The following LAMP3 variants were observed in gnomAD, a reference collection of about 807,000 sequenced individuals.
LAMP3 encodes the protein lysosome associated membrane protein 3, also known as lysosome-associated membrane glycoprotein 3.
A neutral mutation model predicts 34.8 loss-of-function variants in LAMP3; 26 were observed. The ratio of observed to expected loss-of-function variants is 0.75; its 90% CI spans 0.55 to 1.04. LAMP3 has a LOEUF of 1.04. LAMP3 is among the 50% of genes least tolerant of loss of function. The pLI is 0.00. For missense variants in LAMP3, 495 were observed against 524.0 expected, an observed-to-expected ratio of 0.94 and a Z score of 0.54; for synonymous variants, 180 against 201.9, an observed-to-expected ratio of 0.89 and a Z score of 0.92.
At chr3:183,145,971 G>A (rs184165208) in intron 3 of LAMP3, among the ~76,000 whole-genome samples, 67 of 152,326 alleles carry the variant, frequency 4.4e-4, no homozygotes, top group Non-Finnish European at 7.5e-4. Flanking sequence ...TAGGTGCTCA[G>A]TAAATTCTTA....
intron 3 of LAMP3, among the ~76,000 whole-genome samples, chr3:183,143,750 A>T (rs1720356718): frequency 6.6e-6 from 1 of 152,234 alleles, no homozygotes; most frequent in Non-Finnish European, 1.5e-5. Context: ...CTATGGAATG[A>T]GGCTTAGACA....
At chr3:183,128,022 C>A (rs910988918) in intron 5 of LAMP3, among the ~76,000 whole-genome samples, 5 of 151,938 alleles carry the variant, frequency 3.3e-5, no homozygotes, top group Non-Finnish European at 7.4e-5. Flanking sequence ...GTGGCAGGCG[C>A]CTGTAGTCCC....
At chr3:183,138,855 C>T (rs1422698980) in intron 4 of LAMP3, among the ~76,000 whole-genome samples, 7 of 152,148 alleles carry the variant, frequency 4.6e-5, no homozygotes, top group African/African-American at 1.7e-4. Flanking sequence ...TCCGGGCACA[C>T]TGGCACTCTG....
intron 2 of LAMP3, among the ~76,000 whole-genome samples, chr3:183,153,187 A>AAAG (rs1373136803): frequency 1.3e-5 from 2 of 151,712 alleles, no homozygotes; most frequent in Non-Finnish European, 2.9e-5. Flanking sequence ...AAAAAAAAAA[A>AAAG]AAAAAGAAAG....
At position 183,149,805 on chromosome 3, in the gene LAMP3, C is replaced by A. The variant is rs1266443340; in HGVS notation, c.888+2570G>T. Among the ~76,000 whole-genome samples the A allele has an allele frequency of 2.6e-5, 4 of 151,590 alleles. No homozygotes were observed. The East Asian group carries it at 7.7e-4, about 29-fold the overall frequency. On this transcript the variant is annotated intron_variant, in intron 3 of 5. Coordinates refer to ENST00000265598, the MANE Select transcript of LAMP3 (RefSeq NM_014398.4). ...TGATGTGATTATTACACATTGCATG[C>A]CTATATCAAAATATCTCATGTACCC... is the stretch of plus-strand genomic sequence containing the variant.
In LAMP3 at chr3:183,124,101, A is replaced by T; in HGVS notation, c.1231T>A (p.Ser411Thr). ...VYKIRLRCQS[S>T]GYQRI The stretch of plus-strand genomic sequence containing the variant: ...AACAATTAGATTCTCTGGTATCCAG[A>T]TGATTGACACCTTAGGCGGATTTTA... The change falls in exon 6 of 6, where the codon TCT becomes ACT. Residue 411 changes from serine to threonine, a missense_variant. Coordinates refer to ENST00000265598, the MANE Select transcript of LAMP3 (RefSeq NM_014398.4). 1 of 1,614,152 alleles carries T rather than the reference A, an allele frequency of 6.2e-7. No individual in the cohort carries two copies. The highest frequency in any genetic ancestry group is 8.5e-7 in the Non-Finnish European group (1 of 1,180,002).
intron 3 of LAMP3, among the ~76,000 whole-genome samples, chr3:183,151,126 C>T (rs1720616667): frequency 6.6e-6 from 1 of 152,220 alleles, no homozygotes. Context: ...CATTTCTAAT[C>T]CTCCCAAGGG....
chr3:183,160,244 A>T (rs500910), intron 1 of LAMP3, among the ~76,000 whole-genome samples: 61,515 of 151,972 alleles, frequency 0.4, 13,311 homozygotes, highest in African/African-American at 0.57. Flanking sequence ...GGTAAAGATT[A>T]CTCAGAGAGT....
In LAMP3 at chr3:183,131,889, A is replaced by T; in HGVS notation, c.1117+3828T>A. 3.1e-6 allele frequency: 3 copies of T among 977,142 alleles called. No homozygotes were observed. The South Asian group carries it at 1.4e-4, about 46-fold the overall frequency. 60.5% of individuals were successfully genotyped at this position (977,142 alleles called of 1,614,324 possible). ...ACATCCTAAGCCATATTTTAATAGA[A>T]TTTTTCCCTCAGATATCAACCGTCC... On this transcript the variant is annotated intron_variant, in intron 5 of 5. Coordinates refer to ENST00000265598, the MANE Select transcript of LAMP3 (RefSeq NM_014398.4).
intron 3 of LAMP3, among the ~76,000 whole-genome samples, chr3:183,141,238 C>T (rs1431033243): frequency 6.6e-6 from 1 of 152,150 alleles, no homozygotes; most frequent in African/African-American, 2.4e-5. Context: ...ATGCCTTACC[C>T]TGAGATCCCT....
chr3:183,145,159 G>A (rs1252346847), intron 3 of LAMP3, among the ~76,000 whole-genome samples: 3 of 152,210 alleles, frequency 2.0e-5, no homozygotes, highest in African/African-American at 7.2e-5. Context: ...GTAGGGAGGT[G>A]TGGGGAGAGA....
intron 4 of LAMP3, among the ~76,000 whole-genome samples, chr3:183,137,205 C>T (rs1399903686): frequency 6.6e-6 from 1 of 151,154 alleles, no homozygotes; most frequent in Non-Finnish European, 1.5e-5. Flanking sequence ...GCAATCCCAG[C>T]TACTCAGGGA....
chr3:183,152,822 G>A (rs1339302033), intron 2 of LAMP3, among the ~76,000 whole-genome samples: 1 of 152,190 alleles, frequency 6.6e-6, no homozygotes, highest in Admixed American at 6.5e-5. Flanking sequence ...AGGTACCTCT[G>A]TCTCAAATGG....
upstream of LAMP3, chr3:183,162,891 C>T (rs1037546967): frequency 2.0e-6 from 1 of 501,278 alleles, no homozygotes; most frequent in African/African-American, 2.1e-5. Flanking sequence ...CCTCTGGGAC[C>T]GTTTACCGCA....
chr3:183,159,271 A>G, intron 1 of LAMP3, among the ~76,000 whole-genome samples: 1 of 152,246 alleles, frequency 6.6e-6, no homozygotes, highest in East Asian at 1.9e-4. Context: ...TAAATTCTTC[A>G]GGCAGACAAA....
At chr3:183,127,331 T>C (rs1246773438) in intron 5 of LAMP3, among the ~76,000 whole-genome samples, 2 of 152,180 alleles carry the variant, frequency 1.3e-5, no homozygotes, top group Non-Finnish European at 2.9e-5. Context: ...ATGGGGTCCT[T>C]ACTATGTTGC....
rs1720743287 is a variant in LAMP3 at position 183,153,977 on chromosome 3, G to T, written c.464C>A (p.Thr155Lys). ...TGTSSSTVSH[T>K]TGNTTQPSNQ... The stretch of plus-strand genomic sequence containing the variant: ...ACTGGGTTGAGTGGTGTTCCCAGTT[G>T]TGTGGCTGACGGTTGATGAACTGGT... The change falls in exon 2 of 6, where the codon ACA becomes AAA. Residue 155 changes from threonine (T) to lysine (K), a missense_variant. Coordinates refer to ENST00000265598, the MANE Select transcript of LAMP3 (RefSeq NM_014398.4). 1 of 1,614,180 alleles carries T rather than the reference G, an allele frequency of 6.2e-7. No homozygotes were observed. The highest frequency in any genetic ancestry group is 8.5e-7 in the Non-Finnish European group (1 of 1,180,012).
In LAMP3 at chr3:183,137,404, C is replaced by T. The variant is rs190887846; in HGVS notation, c.947-1517G>A. On this transcript the variant is annotated intron_variant, in intron 4 of 5. Transcript: ENST00000265598. ...TCTCTAATTCCATGCTTGCTAAGCA[C>T]CCTTCTGACTATACTGTAGCTTCTT... Among the ~76,000 whole-genome samples, 3 of 152,256 alleles carry T rather than the reference C, an allele frequency of 2.0e-5. No individual in the cohort carries two copies. In the East Asian group the frequency reaches 5.8e-4, roughly 29 times the overall value.
At chr3:183,145,033 G>C (rs956978193) in intron 3 of LAMP3, among the ~76,000 whole-genome samples, 2 of 152,164 alleles carry the variant, frequency 1.3e-5, no homozygotes, top group Admixed American at 1.3e-4. Context: ...ACGAGCCAGG[G>C]CTGGAGACCT....
Sources: gnomAD v4.1 joint callset for allele counts (sites outside exome capture counted in the v4.1 genomes callset) on GRCh38, gnomAD v4.1.1 for gene constraint, MANE v1.5 for transcripts, NCBI Gene and HGNC (gene_info 2026-07-23, HGNC 2026-07-21) for gene names.